Variants in MGRN1 observed in about 807,000 individuals in gnomAD.
MGRN1 encodes the protein E3 ubiquitin-protein ligase MGRN1.
MGRN1 carries 29 observed loss-of-function variants against 69.2 expected under a neutral mutation model. That is an observed-to-expected ratio of 0.42 (90% CI 0.31 to 0.57). The LOEUF (loss-of-function observed/expected upper bound fraction) is 0.57. MGRN1 is among the 20% of genes least tolerant of loss of function. The probability of loss-of-function intolerance (pLI) is 0.15; values close to 1 mark genes in which losing one functional copy is unlikely to be tolerated. For synonymous variants in MGRN1, 470 were observed against 344.2 expected (o/e 1.37, Z -4.04); for missense variants, 998 against 796.2 (o/e 1.25, Z -3.05).
At chr16:4,683,058 T>C in intron 14 of MGRN1, 112 bp downstream of exon 14, 1 of 1,478,720 alleles carries the variant, frequency 6.8e-7, no homozygotes, top group South Asian at 1.3e-5. Flanking sequence ...CCCGTGCTTG[T>C]TGGCTCTTGC....
chr16:4,678,704 G>A (rs144233660), intron 11 of MGRN1, among the ~76,000 whole-genome samples: 2,405 of 152,324 alleles, frequency 0.016, 32 homozygotes, highest in Non-Finnish European at 0.025. Context: ...CACTGGCCAC[G>A]CGCATTGTCA....
rs760988770 is a variant in MGRN1, at chr16:4,625,058, C to A, written c.88+10C>A. ...TACCCTCCGAAGTCCGGTGAGCGCC[C>A]GGCCCCAGGCGCGGACTGCTAGGCA... On this transcript the variant is annotated intron_variant, in intron 1 of 16. Transcript: ENST00000262370. 3.3e-6 allele frequency: 5 copies of A among 1,533,684 alleles called. No individual in the cohort carries two copies. The African/African-American group carries it at 5.7e-5, about 18-fold the overall frequency.
intron 9 of MGRN1, among the ~76,000 whole-genome samples, chr16:4,671,996 C>T (rs935483175): frequency 6.6e-6 from 1 of 152,214 alleles, no homozygotes. Context: ...GCCTCCGCCT[C>T]CCGGGTTCAA....
intron 10 of MGRN1, among the ~76,000 whole-genome samples, chr16:4,676,179 G>C (rs1032774937): frequency 2.0e-5 from 3 of 152,262 alleles, no homozygotes; most frequent in Admixed American, 6.5e-5. Flanking sequence ...GGCCTGGAGG[G>C]AGAGGCCGGC....
chr16:4,632,422 C>G (rs1898056767), intron 1 of MGRN1, among the ~76,000 whole-genome samples: 1 of 151,606 alleles, frequency 6.6e-6, no homozygotes, highest in Non-Finnish European at 1.5e-5. Flanking sequence ...GAGACGGAGT[C>G]TTGCTCTGTC....
intron 9 of MGRN1, 49 bp from the exon 10 acceptor site, chr16:4,673,449 T>G (rs777231130): frequency 1.3e-6 from 2 of 1,592,816 alleles, no homozygotes; most frequent in African/African-American, 2.7e-5. Context: ...GCAGGAGCCG[T>G]ACTCTGGCCT....
chr16:4,630,821 T>C (rs1279712472), intron 1 of MGRN1, among the ~76,000 whole-genome samples: 1 of 150,824 alleles, frequency 6.6e-6, no homozygotes, highest in East Asian at 1.9e-4. Flanking sequence ...TTTTTTTTTT[T>C]TTTTTTTAAT....
At position 4,688,833 on chromosome 16, in the gene MGRN1, C is replaced by T. The variant is rs2079396171; in HGVS notation, c.1656C>T (p.Ala552=). The T allele has an allele frequency of 1.3e-6, 2 of 1,553,890 alleles. No individual in the cohort carries two copies. Among genetic ancestry groups the T allele is most frequent in the Non-Finnish European group, 1.7e-6 (2 of 1,148,444 alleles). ...CCATGGAGACGGCCCACGGCCTCGCCACCACCAGCCCCACCTGGCCTCCAC... is the reference window on the plus strand; with the variant it reads ...CCATGGAGACGGCCCACGGCCTCGCTACCACCAGCCCCACCTGGCCTCCAC... ...PTSMETAHGL[A]TTSPTWPPLG... The change falls in exon 17 of 17, where the codon GCC becomes GCT. Residue 552 remains alanine, a synonymous_variant. Transcript: ENST00000262370.
chr16:4,635,093 A>T (rs923520491), intron 1 of MGRN1: 2 of 152,278 alleles, frequency 1.3e-5, no homozygotes, highest in Admixed American at 6.5e-5. Context: ...GTGTGTGTAC[A>T]TATACTGCAC....
intron 1 of MGRN1, among the ~76,000 whole-genome samples, chr16:4,648,215 T>C (rs1201945133): frequency 6.6e-6 from 1 of 152,124 alleles, no homozygotes; most frequent in Non-Finnish European, 1.5e-5. Flanking sequence ...TCCCTGCAGC[T>C]ACCCGGGTCC....
At chr16:4,631,666 A>G (rs1032715073) in intron 1 of MGRN1, among the ~76,000 whole-genome samples, 3 of 152,226 alleles carry the variant, frequency 2.0e-5, no homozygotes, top group Non-Finnish European at 4.4e-5. Flanking sequence ...AGGTAGCATA[A>G]GTTCTCCAAC....
intron 8 of MGRN1, among the ~76,000 whole-genome samples, chr16:4,670,115 A>G (rs1311606304): frequency 6.6e-6 from 1 of 152,130 alleles, no homozygotes; most frequent in Non-Finnish European, 1.5e-5. Flanking sequence ...CCCAGGCTGG[A>G]ATGCAGTGGC....
At chr16:4,642,104 C>G (rs1485456440) in intron 1 of MGRN1, among the ~76,000 whole-genome samples, 2 of 150,876 alleles carry the variant, frequency 1.3e-5, no homozygotes, top group African/African-American at 4.9e-5. Context: ...TCATGCATTT[C>G]CCTGTCAGCA....
intron 1 of MGRN1, among the ~76,000 whole-genome samples, chr16:4,647,795 C>T (rs756341774): frequency 1.1e-4 from 16 of 152,092 alleles, no homozygotes; most frequent in Non-Finnish European, 1.6e-4. Context: ...TGTTTTTGGT[C>T]GTCATCAGCT....
chr16:4,661,711 T>TCCA (rs1334932959), intron 5 of MGRN1, among the ~76,000 whole-genome samples: 1 of 152,250 alleles, frequency 6.6e-6, no homozygotes, highest in African/African-American at 2.4e-5. Flanking sequence ...AGTGTCTCTG[T>TCCA]CCACCTCTGT....
chr16:4,643,280 G>C (rs2078202683), intron 1 of MGRN1, among the ~76,000 whole-genome samples: 1 of 152,028 alleles, frequency 6.6e-6, no homozygotes, highest in Admixed American at 6.6e-5. Flanking sequence ...ATTTTTGGCA[G>C]AGATGGGGTT....
chr16:4,653,727 A>G (rs1456703745), intron 4 of MGRN1, among the ~76,000 whole-genome samples: 1 of 151,218 alleles, frequency 6.6e-6, no homozygotes, highest in Non-Finnish European at 1.5e-5. Context: ...TGACCTCATG[A>G]TCTGTCCATC....
At chr16:4,681,986 T>G (rs2079193019) in intron 13 of MGRN1, among the ~76,000 whole-genome samples, 1 of 151,160 alleles carries the variant, frequency 6.6e-6, no homozygotes, top group African/African-American at 2.4e-5. Flanking sequence ...TCCGGGCAGC[T>G]GGAGGCTTTG....
intron 3 of MGRN1, 25 bp downstream of exon 3, chr16:4,652,076 C>G: frequency 1.2e-6 from 2 of 1,608,838 alleles, no homozygotes; most frequent in Non-Finnish European, 1.7e-6. Flanking sequence ...CCCCTGGGGA[C>G]CCTGTGGCTC....
Sources: allele counts gnomAD v4.1 joint callset (sites outside exome capture counted in the v4.1 genomes callset), GRCh38; gene constraint gnomAD v4.1.1; transcripts MANE v1.5; gene names NCBI Gene and HGNC (gene_info 2026-07-23, HGNC 2026-07-21).